HTR1F: variants seen among roughly 807,000 people sequenced by gnomAD.
HTR1F encodes 5-hydroxytryptamine (serotonin) receptor 1F, G protein-coupled.
In HTR1F, 17 loss-of-function variants were observed where a neutral mutation model predicts 24.0. That is an observed-to-expected ratio of 0.71 (90% CI 0.48 to 1.06). HTR1F has a LOEUF of 1.06. Among genes scored for constraint, HTR1F ranks in the 50% least tolerant of loss-of-function variants. The pLI is 0.00. For synonymous variants in HTR1F, 186 were observed against 156.8 expected, an observed-to-expected ratio of 1.19 and a Z score of -1.39; for missense variants, 391 against 427.8, an observed-to-expected ratio of 0.91 and a Z score of 0.76.
At chr3:87,882,981 C>T (rs1340761230) in intron 2 of HTR1F, among the ~76,000 whole-genome samples, 19 of 152,168 alleles carry the variant, frequency 1.2e-4, no homozygotes, top group South Asian at 2.1e-4. Context: ...GCTCTGAGGA[C>T]GGACAGACTG....
intron 2 of HTR1F, among the ~76,000 whole-genome samples, chr3:87,870,396 C>T (rs1210965452): frequency 6.6e-6 from 1 of 151,998 alleles, no homozygotes; most frequent in Non-Finnish European, 1.5e-5. Context: ...AAAGCTTTAC[C>T]AGGACTTCAG....
intron 2 of HTR1F, among the ~76,000 whole-genome samples, chr3:87,970,706 T>C (rs1221324150): frequency 6.6e-6 from 1 of 152,224 alleles, no homozygotes; most frequent in Non-Finnish European, 1.5e-5. Flanking sequence ...CACGGATTCC[T>C]TCCCTTATAA....
intron 2 of HTR1F, among the ~76,000 whole-genome samples, chr3:87,869,343 G>T (rs1382688039): frequency 6.6e-6 from 1 of 150,552 alleles, no homozygotes. Context: ...CTTTAGTCAG[G>T]GTTCTCCAGA....
At chr3:87,904,443 A>G (rs1395917362) in intron 2 of HTR1F, among the ~76,000 whole-genome samples, 1 of 152,144 alleles carries the variant, frequency 6.6e-6, no homozygotes, top group Non-Finnish European at 1.5e-5. Context: ...TAACAGCATT[A>G]TTTTTAATGA....
At chr3:87,887,190 G>T (rs1705968948) in intron 2 of HTR1F, among the ~76,000 whole-genome samples, 1 of 151,864 alleles carries the variant, frequency 6.6e-6, no homozygotes. Context: ...CAACCATCTG[G>T]CCTTTGAAAA....
At chr3:87,808,476 T>G (rs1247570159) in intron 1 of HTR1F, among the ~76,000 whole-genome samples, 1 of 151,768 alleles carries the variant, frequency 6.6e-6, no homozygotes, top group African/African-American at 2.4e-5. Flanking sequence ...TTTTTTTTCA[T>G]ATCTGATTTT....
intron 2 of HTR1F, among the ~76,000 whole-genome samples, chr3:87,971,192 C>A (rs1226878938): frequency 6.6e-6 from 1 of 152,176 alleles, no homozygotes; most frequent in Non-Finnish European, 1.5e-5. Flanking sequence ...TAAGATAAGG[C>A]AAGATACTTG....
At chr3:87,865,861 A>G (rs1241335533) in intron 2 of HTR1F, among the ~76,000 whole-genome samples, 4 of 152,162 alleles carry the variant, frequency 2.6e-5, no homozygotes, top group Non-Finnish European at 4.4e-5. Context: ...TTGCATGTAT[A>G]TCTACCAGTG....
chr3:87,841,198 T>C (rs1704795696), intron 2 of HTR1F, among the ~76,000 whole-genome samples: 1 of 151,838 alleles, frequency 6.6e-6, no homozygotes, highest in Non-Finnish European at 1.5e-5. Flanking sequence ...AAATATATAA[T>C]TATTTATCAA....
At chr3:87,814,263 T>C (rs544593437) in intron 1 of HTR1F, among the ~76,000 whole-genome samples, 6 of 152,304 alleles carry the variant, frequency 3.9e-5, no homozygotes, top group African/African-American at 1.2e-4. Flanking sequence ...TTATTTCATT[T>C]ATTTATTTTT....
At chr3:87,990,623 A>G (rs1320040810) in intron 2 of HTR1F, 85 bp from the exon 3 acceptor site, 1 of 668,096 alleles carries the variant, frequency 1.5e-6, no homozygotes, top group African/African-American at 1.8e-5. Context: ...TAAACATAAC[A>G]TACACTTTTT....
At chr3:87,950,002 T>G (rs1704798206) in intron 2 of HTR1F, among the ~76,000 whole-genome samples, 1 of 152,062 alleles carries the variant, frequency 6.6e-6, no homozygotes, top group African/African-American at 2.4e-5. Flanking sequence ...TTGTGCTACC[T>G]CAAAACACAG....
At chr3:87,905,117 G>T (rs1001877437) in intron 2 of HTR1F, among the ~76,000 whole-genome samples, 1 of 151,742 alleles carries the variant, frequency 6.6e-6, no homozygotes, top group African/African-American at 2.4e-5. Context: ...AAACTAGCCT[G>T]AGCAACATAG....
intron 2 of HTR1F, among the ~76,000 whole-genome samples, chr3:87,843,579 G>A (rs1251034000): frequency 1.3e-5 from 2 of 149,122 alleles, no homozygotes; most frequent in African/African-American, 2.5e-5. Context: ...TGCACATTGT[G>A]CAGGTTAGTT....
chr3:87,822,169 A>G (rs531456696), intron 2 of HTR1F, among the ~76,000 whole-genome samples, 45 bp downstream of exon 2: 2 of 152,234 alleles, frequency 1.3e-5, no homozygotes, highest in East Asian at 3.9e-4. Context: ...TAAATTGACA[A>G]TTAGTGAAAA....
chr3:87,885,046 C>T (rs1705904285), intron 2 of HTR1F, among the ~76,000 whole-genome samples: 1 of 152,168 alleles, frequency 6.6e-6, no homozygotes, highest in African/African-American at 2.4e-5. Flanking sequence ...ACATTCTCCT[C>T]AGCACCACAT....
At chr3:87,983,885 C>T in intron 2 of HTR1F, among the ~76,000 whole-genome samples, 1 of 152,158 alleles carries the variant, frequency 6.6e-6, no homozygotes, top group East Asian at 1.9e-4. Context: ...TTCCCTGGAG[C>T]AGCAGCACTA....
At chr3:87,928,142 T>C (rs1158275250) in intron 2 of HTR1F, among the ~76,000 whole-genome samples, 1 of 151,312 alleles carries the variant, frequency 6.6e-6, no homozygotes, top group Non-Finnish European at 1.5e-5. Flanking sequence ...GCTTCCCAGG[T>C]TCAAGTGACT....
intron 2 of HTR1F, among the ~76,000 whole-genome samples, chr3:87,857,859 G>T (rs538350762): frequency 2.0e-5 from 3 of 152,022 alleles, no homozygotes; most frequent in African/African-American, 7.2e-5. Flanking sequence ...CAGGCTCTGG[G>T]GATTCGAGTA....
Sources: gnomAD v4.1 joint callset for allele counts (sites outside exome capture counted in the v4.1 genomes callset) on GRCh38, gnomAD v4.1.1 for gene constraint, MANE v1.5 for transcripts, NCBI Gene and HGNC (gene_info 2026-07-23, HGNC 2026-07-21) for gene names.